The following GLI2 variants were observed in gnomAD, a reference collection of about 807,000 sequenced individuals.
The protein encoded by GLI2 is transcription activator GLI2.
In GLI2, 22 loss-of-function variants were observed where a neutral mutation model predicts 78.9. The observed-to-expected ratio is 0.28, with a 90% CI of 0.20 to 0.40. The LOEUF is 0.40. GLI2 is among the 10% of genes least tolerant of loss of function. The pLI is 1.00. For synonymous variants in GLI2, 974 were observed against 963.7 expected, an observed-to-expected ratio of 1.01 and a Z score of -0.20; for missense variants, 2,097 against 2,213.2, an observed-to-expected ratio of 0.95 and a Z score of 1.05.
At chr2:120,838,767 A>G (rs1686730890) in intron 2 of GLI2, among the ~76,000 whole-genome samples, 1 of 152,240 alleles carries the variant, frequency 6.6e-6, no homozygotes, top group Non-Finnish European at 1.5e-5. Context: ...AGACATGTTT[A>G]GATATACAAA....
At chr2:120,894,483 G>A (rs1677841301) in intron 2 of GLI2, among the ~76,000 whole-genome samples, 1 of 152,106 alleles carries the variant, frequency 6.6e-6, no homozygotes, top group Non-Finnish European at 1.5e-5. Flanking sequence ...TCCCTCCTGA[G>A]CATTCTGTTC....
intron 2 of GLI2, among the ~76,000 whole-genome samples, chr2:120,882,253 A>G (rs951580261): frequency 5.9e-5 from 9 of 152,084 alleles, no homozygotes; most frequent in Non-Finnish European, 1.2e-4. Flanking sequence ...ACGTGAGGGA[A>G]GGCAGCCAGG....
intron 1 of GLI2, among the ~76,000 whole-genome samples, chr2:120,758,538 T>C (rs1259595572): frequency 6.6e-6 from 1 of 152,212 alleles, no homozygotes; most frequent in Admixed American, 6.5e-5. Flanking sequence ...CCTGCGCCCC[T>C]GGCCTGCCTA....
intron 1 of GLI2, among the ~76,000 whole-genome samples, chr2:120,754,020 G>A (rs971211574): frequency 6.6e-6 from 1 of 152,068 alleles, no homozygotes; most frequent in African/African-American, 2.4e-5. Flanking sequence ...ATAGATTTAG[G>A]GGTACGAGTG....
Position 120,800,502 on chromosome 2 carries a change from TA to T in GLI2, c.148+3035del, listed in dbSNP as rs1367594071. Among the ~76,000 whole-genome samples the T allele has an allele frequency of 6.7e-6, 1 of 150,198 alleles. No homozygotes were observed. Among genetic ancestry groups the T allele is most frequent in the Non-Finnish European group, 1.5e-5 (1 of 67,466 alleles). ...TTATTATTATTATTATTTTATTTTT[TA>T]TTTTTATTTATTTATTTTTTTGAGA... On this transcript the variant is annotated intron_variant, in intron 2 of 13. Coordinates refer to ENST00000361492, the MANE Select transcript of GLI2 (RefSeq NM_001374353.1). This position sits in a 1 kb window ranked among gnomAD's most constrained non-coding sequence, Gnocchi z 4.1.
intron 3 of GLI2, among the ~76,000 whole-genome samples, chr2:120,938,944 T>TA (rs201887198): frequency 6.3e-5 from 2 of 31,894 alleles, no homozygotes; most frequent in African/African-American, 7.2e-5. Flanking sequence ...GCCATCCTTT[T>TA]AAAAAAAAAA....
At chr2:120,962,198 G>C (rs2104990173) in intron 5 of GLI2, among the ~76,000 whole-genome samples, 1 of 152,306 alleles carries the variant, frequency 6.6e-6, no homozygotes, top group African/African-American at 2.4e-5. Flanking sequence ...GTTGGAACCT[G>C]GGTCTGCCTG....
intron 2 of GLI2, among the ~76,000 whole-genome samples, chr2:120,839,347 A>T (rs1386244357): frequency 6.6e-6 from 1 of 152,186 alleles, no homozygotes; most frequent in Non-Finnish European, 1.5e-5. Context: ...AAAATTACTA[A>T]TTCAGTTTAT....
chr2:120,792,807 G>A (rs1189411054), intron 1 of GLI2, among the ~76,000 whole-genome samples: 2 of 152,114 alleles, frequency 1.3e-5, no homozygotes, highest in Non-Finnish European at 2.9e-5. Flanking sequence ...TATTTTAATA[G>A]AGACGGCCTT....
Position 120,990,861 on chromosome 2 carries a change from A to T in GLI2, c.*186A>T. ...ATGGGCATCCTCTCTGGTCTTTTGG[A>T]TTATTCCTCAGAACAATGAAAAAAG... On this transcript the variant is annotated 3_prime_UTR_variant, in exon 14 of 14. Transcript: ENST00000361492. The T allele has an allele frequency of 1.7e-6, 1 of 597,944 alleles. No homozygotes were observed. The highest frequency in any genetic ancestry group is 3.0e-6 in the Non-Finnish European group (1 of 337,426). 37.0% of individuals were successfully genotyped at this position (597,944 alleles called of 1,614,324 possible). A position where few individuals can be genotyped will look rare whatever the true frequency, so the allele number is the denominator to read the frequency against.
chr2:120,936,071 G>C (rs1041196440), intron 3 of GLI2, among the ~76,000 whole-genome samples: 1 of 152,052 alleles, frequency 6.6e-6, no homozygotes, highest in African/African-American at 2.4e-5. Flanking sequence ...TGTCCCTCGG[G>C]GTCCCCACTG....
At chr2:120,874,531 C>T (rs528263592) in intron 2 of GLI2, among the ~76,000 whole-genome samples, 6 of 152,310 alleles carry the variant, frequency 3.9e-5, no homozygotes, top group South Asian at 2.1e-4. Flanking sequence ...TGCCTGGAAG[C>T]GGGCCTTGCT....
intron 4 of GLI2, among the ~76,000 whole-genome samples, chr2:120,952,954 G>C (rs1048427282): frequency 6.6e-6 from 1 of 152,236 alleles, no homozygotes; most frequent in Non-Finnish European, 1.5e-5. Flanking sequence ...CCCCAGCCTT[G>C]GTTCCCTCGG....
At chr2:120,876,573 T>C (rs1268391233) in intron 2 of GLI2, among the ~76,000 whole-genome samples, 1 of 151,722 alleles carries the variant, frequency 6.6e-6, no homozygotes, top group Non-Finnish European at 1.5e-5. Context: ...ACCGGAGAAA[T>C]CAGACAAGTA....
intron 2 of GLI2, among the ~76,000 whole-genome samples, chr2:120,899,317 T>A (rs1678129952): frequency 6.6e-6 from 1 of 152,078 alleles, no homozygotes; most frequent in Non-Finnish European, 1.5e-5. Flanking sequence ...GGAGAGCACG[T>A]TTCTCACTTT....
At chr2:120,765,965 CA>C (rs1683354149) in intron 1 of GLI2, among the ~76,000 whole-genome samples, 1 of 152,214 alleles carries the variant, frequency 6.6e-6, no homozygotes. Flanking sequence ...GGAATTCAGA[CA>C]GCATTTGTCA....
chr2:120,824,354 G>A (rs1222878130), intron 2 of GLI2, among the ~76,000 whole-genome samples: 1 of 152,246 alleles, frequency 6.6e-6, no homozygotes, highest in Non-Finnish European at 1.5e-5. Flanking sequence ...GGACTGTGTG[G>A]AGTGGTGCTC....
At chr2:120,964,235 G>C (rs2104997197) in intron 5 of GLI2, among the ~76,000 whole-genome samples, 1 of 152,342 alleles carries the variant, frequency 6.6e-6, no homozygotes, top group East Asian at 1.9e-4. Context: ...TGAGCAGGCA[G>C]AGGAAGCTGC....
intron 2 of GLI2, among the ~76,000 whole-genome samples, chr2:120,885,110 A>G (rs1328659192): frequency 6.6e-6 from 1 of 152,182 alleles, no homozygotes; most frequent in African/African-American, 2.4e-5. Flanking sequence ...TACAGCTCAA[A>G]TATCACAACC....
Sources: gnomAD v4.1 joint callset for allele counts (sites outside exome capture counted in the v4.1 genomes callset) on GRCh38, gnomAD v4.1.1 for gene constraint, Gnocchi (gnomAD v3.1) non-coding constraint, MANE v1.5 for transcripts, NCBI Gene and HGNC (gene_info 2026-07-23, HGNC 2026-07-21) for gene names.